Variants in OR51B5 observed in about 807,000 individuals in gnomAD.
OR51B5 encodes the protein olfactory receptor family 51 subfamily B member 5.
For missense variants in OR51B5, 456 were observed against 374.6 expected, an observed-to-expected ratio of 1.22 and a Z score of -1.79; for synonymous variants, 186 against 144.8, an observed-to-expected ratio of 1.28 and a Z score of -2.04.
At chr11:5,478,581 C>A (rs558847139) in intron 1 of OR51B5, among the ~76,000 whole-genome samples, 2 of 150,080 alleles carry the variant, frequency 1.3e-5, no homozygotes, top group East Asian at 3.9e-4. Flanking sequence ...GGAGGACATT[C>A]AAACCAAAGG....
intron 1 of OR51B5, among the ~76,000 whole-genome samples, chr11:5,495,908 G>A (rs1325572803): frequency 6.6e-6 from 1 of 152,150 alleles, no homozygotes; most frequent in Non-Finnish European, 1.5e-5. Flanking sequence ...CATAAAATTT[G>A]TAAGCAAAAT....
At chr11:5,432,208 T>C (rs1589993404) in intron 1 of OR51B5, among the ~76,000 whole-genome samples, 2 of 152,194 alleles carry the variant, frequency 1.3e-5, no homozygotes, top group Admixed American at 1.3e-4. Flanking sequence ...TGATTATCAT[T>C]CTACACTCTA....
rs543169271 is a variant in OR51B5 at position 5,502,370 on chromosome 11, C to T, written n.84+3199G>A. On this transcript the variant is annotated intron_variant and non_coding_transcript_variant, in intron 1 of 4. Transcript: ENST00000415970. ...AATTTTTCCATGAATGTATCGAGCT[C>T]CAGTCAAAATCAGGATTCTCTTTTA... Among the ~76,000 whole-genome samples, 4 of 152,290 alleles carry T rather than the reference C, an allele frequency of 2.6e-5. No homozygotes were observed. In the South Asian group the frequency reaches 8.3e-4, roughly 32 times the overall value.
chr11:5,454,066 G>T (rs1178791635), intron 1 of OR51B5: 1 of 1,613,896 alleles, frequency 6.2e-7, no homozygotes. Flanking sequence ...GCTGATATCA[G>T]TATCAACAGC....
exon 1 of OR51B5, chr11:5,342,903 C>T (rs374152145): frequency 3.2e-5 from 52 of 1,613,670 alleles, no homozygotes; most frequent in Non-Finnish European, 4.4e-5. Flanking sequence ...ATCAGATAAT[C>T]CAGCACAAAT....
In OR51B5 at chr11:5,440,790, G is replaced by A. The variant is rs753845267; in HGVS notation, n.84+64779C>T. On this transcript the variant is annotated intron_variant and non_coding_transcript_variant, in intron 1 of 4. Coordinates refer to the OR51B5 transcript ENST00000415970. ...CACTGCACAGATGTGTGACATGCAG[G>A]TGTTGAGTGCCTTGAGCCGCTGTTC... 4 of 1,613,916 alleles carry A rather than the reference G, an allele frequency of 2.5e-6. No individual in the cohort carries two copies. In the South Asian group the frequency reaches 3.3e-5, roughly 13 times the overall value.
chr11:5,342,807 C>T, exon 1 of OR51B5: 1 of 1,613,484 alleles, frequency 6.2e-7, no homozygotes, highest in Non-Finnish European at 8.5e-7. Flanking sequence ...ATATGGGAGA[C>T]ACAGGTAATG....
At chr11:5,389,732 C>T in intron 1 of OR51B5, 1 of 1,613,918 alleles carries the variant, frequency 6.2e-7, no homozygotes, top group Non-Finnish European at 8.5e-7. Context: ...GTGTCAAATC[C>T]AGATGTTCTG....
intron 1 of OR51B5, chr11:5,455,448 T>C (rs1590005671): frequency 6.6e-6 from 1 of 151,690 alleles, no homozygotes; most frequent in African/African-American, 2.4e-5. Context: ...CTTCCCTTGA[T>C]ACCAGAGGTA....
intron 1 of OR51B5, among the ~76,000 whole-genome samples, chr11:5,465,794 T>C (rs920373784): frequency 4.1e-5 from 6 of 145,474 alleles, no homozygotes; most frequent in Non-Finnish European, 9.1e-5. Flanking sequence ...TTACACCTTA[T>C]ACAAAAATCA....
intron 1 of OR51B5, among the ~76,000 whole-genome samples, chr11:5,349,924 T>G (rs899949608): frequency 6.6e-6 from 1 of 152,130 alleles, no homozygotes; most frequent in Admixed American, 6.5e-5. Context: ...ATCTGCTGAT[T>G]AGAGAAACTA....
chr11:5,440,082 C>T (rs889218733), intron 1 of OR51B5, among the ~76,000 whole-genome samples: 2 of 152,166 alleles, frequency 1.3e-5, no homozygotes, highest in African/African-American at 4.8e-5. Flanking sequence ...TACTTCATAA[C>T]CACTCAACAT....
At chr11:5,471,919 C>T (rs1019064961) in intron 1 of OR51B5, among the ~76,000 whole-genome samples, 2 of 152,102 alleles carry the variant, frequency 1.3e-5, no homozygotes, top group Non-Finnish European at 1.5e-5. Context: ...GAATAAATGG[C>T]AACTAGGAAA....
At chr11:5,414,331 C>T (rs970641972) in intron 1 of OR51B5, among the ~76,000 whole-genome samples, 4 of 141,968 alleles carry the variant, frequency 2.8e-5, no homozygotes, top group African/African-American at 1.0e-4. Context: ...CAAAATCATG[C>T]CAAAATGTAA....
chr11:5,385,655 T>C (rs930046270), intron 1 of OR51B5, among the ~76,000 whole-genome samples: 3 of 151,824 alleles, frequency 2.0e-5, no homozygotes, highest in African/African-American at 7.3e-5. Context: ...GTTCTAAACA[T>C]GTATAATAAA....
chr11:5,355,343 CTG>C (rs915763511), intron 1 of OR51B5: 5 of 159,722 alleles, frequency 3.1e-5, no homozygotes, highest in Non-Finnish European at 6.9e-5. Context: ...CATAAGGAAA[CTG>C]TGGTGCTTTG....
intron 1 of OR51B5, among the ~76,000 whole-genome samples, chr11:5,351,094 C>T (rs117090736): frequency 3.6e-3 from 547 of 152,250 alleles, no homozygotes; most frequent in Middle Eastern, 0.01. Context: ...TTTACATCCA[C>T]CCTATAATAC....
intron 1 of OR51B5, chr11:5,352,508 A>G (rs5024038): frequency 0.25 from 257,121 of 1,042,426 alleles, 33,254 homozygotes; most frequent in African/African-American, 0.31. Flanking sequence ...CAATGTTGCC[A>G]GCATAAGTAA....
intron 1 of OR51B5, among the ~76,000 whole-genome samples, chr11:5,459,182 A>G (rs1367947345): frequency 6.6e-6 from 1 of 152,178 alleles, no homozygotes; most frequent in Non-Finnish European, 1.5e-5. Flanking sequence ...AATTATGTCA[A>G]AAGCCTTTTC....
Sources: allele counts gnomAD v4.1 joint callset (sites outside exome capture counted in the v4.1 genomes callset), GRCh38; gene constraint gnomAD v4.1.1; transcripts MANE v1.5; gene names NCBI Gene and HGNC (gene_info 2026-07-23, HGNC 2026-07-21).